The following MINAR1 variants were observed in gnomAD, a reference collection of about 807,000 sequenced individuals.
MINAR1 encodes major intrinsically disordered Notch2-binding receptor 1.
Under a neutral mutation model 65.1 loss-of-function variants are expected in MINAR1, and 40 were observed. That is an observed-to-expected ratio of 0.61 (90% CI 0.48 to 0.80). The LOEUF is 0.80. MINAR1 is among the 30% of genes least tolerant of loss of function. The pLI is 0.00. For missense variants in MINAR1, 1,128 were observed against 1,148.0 expected, an observed-to-expected ratio of 0.98 and a Z score of 0.25; for synonymous variants, 482 against 449.1, an observed-to-expected ratio of 1.07 and a Z score of -0.93.
upstream of MINAR1, among the ~76,000 whole-genome samples, chr15:79,427,652 G>T (rs12595322): frequency 6.6e-6 from 1 of 152,042 alleles, no homozygotes; most frequent in African/African-American, 2.4e-5. Context: ...TGTTTCCCTA[G>T]GAAGTGAAGT....
At position 79,455,797 on chromosome 15, in the gene MINAR1, C is replaced by T. The variant is rs115713660; in HGVS notation, c.-50-301C>T. ...ATGTTTGTAAAAATTCATGTTATAT[C>T]ATAACATGTTTATGTATTCTCCTAT... On this transcript the variant is annotated intron_variant, in intron 1 of 3. Transcript: ENST00000305428. Among the ~76,000 whole-genome samples, 1,013 of 151,420 alleles carry T rather than the reference C, an allele frequency of 6.7e-3. 12 individuals are homozygous for T. The highest frequency in any genetic ancestry group is 0.023 in the African/African-American group (952 of 41,092).
In MINAR1 at chr15:79,456,942, C is replaced by A; in HGVS notation, c.795C>A (p.His265Gln). 1 of 1,614,132 alleles carries A rather than the reference C, an allele frequency of 6.2e-7. No homozygotes were observed. The highest frequency in any genetic ancestry group is 8.5e-7 in the Non-Finnish European group (1 of 1,180,010). The change falls in exon 2 of 4, where the codon CAC becomes CAA. Residue 265 changes from histidine to glutamine, a missense_variant. His to Gln is a conservative substitution (Grantham distance 24, BLOSUM62 0). Transcript: ENST00000305428. Reference protein sequence around the residue: ...QKRNIFKEDFHNLMAVSPSLV... With the variant: ...QKRNIFKEDFQNLMAVSPSLV... ...GGAATATCTTCAAAGAGGATTTTCA[C>A]AATTTGATGGCAGTGTCCCCCAGTT...
rs1230737917 is a variant in MINAR1 at position 79,470,212 on chromosome 15, G to A, written c.*1828G>A. 2 of 152,528 alleles carry A rather than the reference G, an allele frequency of 1.3e-5. No homozygotes were observed. Among genetic ancestry groups the A allele is most frequent in the Non-Finnish European group, 2.9e-5 (2 of 68,024 alleles). 9.4% of individuals were successfully genotyped at this position (152,528 alleles called of 1,614,324 possible). ...GTTACTCTCTATCATCAGAATTATA[G>A]TCTTTGGTGCTCTGTTTTCAATGGG... On this transcript the variant is annotated 3_prime_UTR_variant, in exon 4 of 4. Coordinates refer to ENST00000305428, the MANE Select transcript of MINAR1 (RefSeq NM_015206.3).
At chr15:79,450,393 G>A (rs1177073185) in intron 1 of MINAR1, among the ~76,000 whole-genome samples, 2 of 152,178 alleles carry the variant, frequency 1.3e-5, no homozygotes, top group African/African-American at 4.8e-5. Context: ...GACGCACAAA[G>A]TAAGAGTCAC....
At chr15:79,468,020 G>A (rs1231236154) in intron 3 of MINAR1, among the ~76,000 whole-genome samples, 167 bp from the exon 4 acceptor site, 1 of 152,174 alleles carries the variant, frequency 6.6e-6, no homozygotes, top group Non-Finnish European at 1.5e-5. Context: ...GGATGAGCCT[G>A]TAGTAGCCTG....
chr15:79,433,827 G>A (rs1370069890), intron 1 of MINAR1, among the ~76,000 whole-genome samples: 2 of 152,188 alleles, frequency 1.3e-5, no homozygotes, highest in Non-Finnish European at 2.9e-5. Context: ...GCCACAGGAT[G>A]TCTTTTGAAT....
chr15:79,438,424 A>G (rs191083798), intron 1 of MINAR1, among the ~76,000 whole-genome samples: 2 of 3,020 alleles, frequency 6.6e-4, no homozygotes, highest in African/African-American at 8.4e-4. Context: ...GAGTGTGTGG[A>G]GTGTGGGGTG....
chr15:79,432,219 C>T (rs1567047202), upstream of MINAR1, among the ~76,000 whole-genome samples: 1 of 152,034 alleles, frequency 6.6e-6, no homozygotes, highest in Non-Finnish European at 1.5e-5. Flanking sequence ...CGAGACTGTC[C>T]CGGCTGCGCG....
rs1039896088 is a variant in MINAR1, at chr15:79,471,607, C to G, written c.*3223C>G. 2 of 152,560 alleles carry G rather than the reference C, an allele frequency of 1.3e-5. No individual in the cohort carries two copies. The highest frequency in any genetic ancestry group is 2.4e-5 in the African/African-American group (1 of 41,456). The allele number at this position is 152,560 out of a possible 1,614,324, so 9.5% of individuals were successfully genotyped here. On this transcript the variant is annotated 3_prime_UTR_variant, in exon 4 of 4. Transcript: ENST00000305428. ...AATAGACGTGCTAAATATCACTGTTCTGAATATCTGTGCCATAGTTCTGAT... is the reference window on the plus strand; with the variant it reads ...AATAGACGTGCTAAATATCACTGTTGTGAATATCTGTGCCATAGTTCTGAT...
the MINAR1 span, chr15:79,413,674 T>C: frequency 6.6e-6 from 1 of 152,210 alleles, no homozygotes; most frequent in Non-Finnish European, 1.5e-5. Context: ...AAACTTTACA[T>C]AGCTCTTGTT....
intron 1 of MINAR1, among the ~76,000 whole-genome samples, chr15:79,452,319 T>TGG (rs373135496): frequency 2.6e-5 from 4 of 151,986 alleles, no homozygotes; most frequent in African/African-American, 9.7e-5. Context: ...TGTCTGGATG[T>TGG]GTGTGTCTGG....
intron 1 of MINAR1, among the ~76,000 whole-genome samples, chr15:79,433,978 G>C (rs1187811498): frequency 6.6e-6 from 1 of 152,220 alleles, no homozygotes; most frequent in Admixed American, 6.5e-5. Context: ...GGTAGAGCAG[G>C]AGACGGTGGT....
At chr15:79,466,667 C>A (rs764165886) in intron 3 of MINAR1, among the ~76,000 whole-genome samples, 1 of 152,138 alleles carries the variant, frequency 6.6e-6, no homozygotes, top group African/African-American at 2.4e-5. Flanking sequence ...CTATGAGCAA[C>A]AGGTAGATAA....
chr15:79,464,952 GATTA>G (rs1338942392), intron 3 of MINAR1, among the ~76,000 whole-genome samples: 12 of 152,334 alleles, frequency 7.9e-5, no homozygotes, highest in African/African-American at 2.6e-4. Flanking sequence ...GAAAGAGTTA[GATTA>G]ATTAAGTGAG....
chr15:79,418,171 T>G, the MINAR1 span: 4 of 152,152 alleles, frequency 2.6e-5, no homozygotes, highest in Admixed American at 6.5e-5. Flanking sequence ...AAAGCCCCAC[T>G]CCTTTGATCA....
chr15:79,454,584 G>A (rs35325152), intron 1 of MINAR1, among the ~76,000 whole-genome samples: 40,586 of 152,102 alleles, frequency 0.27, 6,333 homozygotes, highest in East Asian at 0.55. Context: ...CTCTAATGAA[G>A]TTTTGTTAAA....
chr15:79,458,639 T>C lies in MINAR1; in HGVS notation c.2298+194T>C, dbSNP rs57375234. Among the ~76,000 whole-genome samples, 347 of 152,326 alleles carry C rather than the reference T, an allele frequency of 2.3e-3. 3 individuals are homozygous for C. Among genetic ancestry groups the C allele is most frequent in the African/African-American group, 8.0e-3 (331 of 41,584 alleles). On this transcript the variant is annotated intron_variant, in intron 2 of 3. Coordinates refer to ENST00000305428, the MANE Select transcript of MINAR1 (RefSeq NM_015206.3). Reference sequence around the variant, plus strand: ...GCAGGTCGTGTGTTCCACCAGGTTGTCCATCAGCTAGGAGGAGCACATGCT... The same window carrying C: ...GCAGGTCGTGTGTTCCACCAGGTTGCCCATCAGCTAGGAGGAGCACATGCT...
chr15:79,465,168 A>C (rs1567062522), intron 3 of MINAR1, among the ~76,000 whole-genome samples: 2 of 152,228 alleles, frequency 1.3e-5, no homozygotes, highest in Non-Finnish European at 2.9e-5. Flanking sequence ...GTTGCATAAA[A>C]TATGAGGAAG....
At position 79,463,206 on chromosome 15, in the gene MINAR1, C is replaced by T. The variant is rs781240350; in HGVS notation, c.2438C>T (p.Thr813Ile). 3.0e-5 allele frequency: 49 copies of T among 1,614,122 alleles called. No homozygotes were observed. The East Asian group carries it at 1.1e-3, about 35-fold the overall frequency. ...CACATGAAGAGCAACCCCCTGTACA[C>T]AGACATGCGGCTGACCGAGTTGGCC... is the stretch of plus-strand genomic sequence containing the variant. ...KAHMKSNPLY[T>I]DMRLTELAEV... The change falls in exon 3 of 4, where the codon ACA (threonine) becomes ATA (isoleucine). Residue 813 changes from threonine to isoleucine, a missense_variant. Transcript: ENST00000305428.
Sources: allele counts gnomAD v4.1 joint callset (sites outside exome capture counted in the v4.1 genomes callset), GRCh38; gene constraint gnomAD v4.1.1; transcripts MANE v1.5; gene names NCBI Gene and HGNC (gene_info 2026-07-23, HGNC 2026-07-21).